The following GXYLT2 variants were observed in gnomAD, a reference collection of about 807,000 sequenced individuals.
GXYLT2 encodes the protein glycosyltransferase 8 domain containing 4.
Under a neutral mutation model 45.8 loss-of-function variants are expected in GXYLT2, and 53 were observed. The observed-to-expected ratio is 1.16, with a 90% confidence interval of 0.93 to 1.46. The LOEUF is 1.46. Ranked by LOEUF, GXYLT2 falls within the 40% of genes most tolerant of loss-of-function variation. The pLI is 0.00. For synonymous variants in GXYLT2, 219 were observed against 214.2 expected (o/e 1.02, Z -0.19); for missense variants, 551 against 544.4 (o/e 1.01, Z -0.12).
In GXYLT2 at chr3:72,908,376, A is replaced by G. The variant is rs2107079996; in HGVS notation, c.285A>G (p.Gly95=). 6.3e-7 allele frequency: 1 copy of G among 1,596,050 alleles called. No homozygotes were observed. The highest frequency in any genetic ancestry group is 2.2e-5 in the East Asian group (1 of 44,764). The change falls in exon 2 of 7, where the codon GGA becomes GGG. Residue 95 remains glycine (G), a synonymous_variant. Coordinates refer to ENST00000389617, the MANE Select transcript of GXYLT2 (RefSeq NM_001080393.2). ...TTTTCCCTCTTTCTAGGAGGCCTGGAGAACCCAGGAGTTTCCAAGCTGTGC... is the reference window on the plus strand; with the variant it reads ...TTTTCCCTCTTTCTAGGAGGCCTGGGGAACCCAGGAGTTTCCAAGCTGTGC... ...ARLEKLARRP[G]EPRSFQAVLP...
intron 5 of GXYLT2, among the ~76,000 whole-genome samples, chr3:72,964,639 G>C (rs149951656): frequency 1.1e-4 from 16 of 152,272 alleles, no homozygotes; most frequent in African/African-American, 3.6e-4. Flanking sequence ...GTTTCTTTTT[G>C]TAAGCCCTAA....
chr3:72,945,792 G>A (rs1274791142), intron 3 of GXYLT2, among the ~76,000 whole-genome samples: 2 of 152,142 alleles, frequency 1.3e-5, no homozygotes, highest in African/African-American at 4.8e-5. Context: ...GGCAGAATGC[G>A]CAGTGACTGC....
intron 2 of GXYLT2, among the ~76,000 whole-genome samples, chr3:72,920,739 C>G (rs956633056): frequency 1.4e-3 from 206 of 151,568 alleles, no homozygotes; most frequent in African/African-American, 4.8e-3. Context: ...ATAGAGTGCC[C>G]ACTTTTAATA....
chr3:72,950,242 C>G (rs1213504956), intron 3 of GXYLT2, among the ~76,000 whole-genome samples: 1 of 152,062 alleles, frequency 6.6e-6, no homozygotes, highest in Admixed American at 6.6e-5. Flanking sequence ...GGGCGAATCA[C>G]TTGAGGTCAG....
At chr3:72,957,502 C>G (rs1053812937) in intron 5 of GXYLT2, 150 bp downstream of exon 5, 7 of 747,116 alleles carry the variant, frequency 9.4e-6, no homozygotes, top group Admixed American at 5.7e-5. Flanking sequence ...TTCATCCGCC[C>G]CCCTGGGTAT....
At chr3:72,923,276 A>G (rs1041829190) in intron 3 of GXYLT2, among the ~76,000 whole-genome samples, 4 of 151,564 alleles carry the variant, frequency 2.6e-5, no homozygotes, top group Admixed American at 2.6e-4. Flanking sequence ...TTACCTGGGC[A>G]TGGTGGCGCA....
At chr3:72,898,721 CTCTTTT>C (rs1709342325) in intron 1 of GXYLT2, among the ~76,000 whole-genome samples, 1 of 152,022 alleles carries the variant, frequency 6.6e-6, no homozygotes, top group African/African-American at 2.4e-5. Flanking sequence ...TCAGAGAGGG[CTCTTTT>C]TCTTTTCTTT....
At position 72,976,662 on chromosome 3, in the gene GXYLT2, T is replaced by A. The variant is rs1252519638; in HGVS notation, c.*1503T>A. On this transcript the variant is annotated 3_prime_UTR_variant, in exon 7 of 7. Transcript: ENST00000389617. ...TCCCTAGTTGCTCATATAGTTGGTATCAGCATAGCAATATTTTGCATAATG... is the reference window on the plus strand; with the variant it reads ...TCCCTAGTTGCTCATATAGTTGGTAACAGCATAGCAATATTTTGCATAATG... 2 of 152,252 alleles carry A rather than the reference T, an allele frequency of 1.3e-5. No individual in the cohort carries two copies. The highest frequency in any genetic ancestry group is 4.8e-5 in the African/African-American group (2 of 41,470). The allele number at this position is 152,252 out of a possible 1,614,324, so 9.4% of individuals were successfully genotyped here. A position where few individuals can be genotyped will look rare whatever the true frequency, so the allele number is the denominator to read the frequency against.
At chr3:72,971,947 T>TA (rs77835059) in intron 6 of GXYLT2, among the ~76,000 whole-genome samples, 185 of 130,622 alleles carry the variant, frequency 1.4e-3, no homozygotes, top group Middle Eastern at 0.012. Context: ...ACACTCCATC[T>TA]AAAAAAAAAA....
chr3:72,946,085 C>T (rs1360724503), intron 3 of GXYLT2, among the ~76,000 whole-genome samples: 41 of 151,604 alleles, frequency 2.7e-4, no homozygotes, highest in Admixed American at 2.6e-3. Flanking sequence ...GAGATCAATC[C>T]GGGCAACATA....
intron 1 of GXYLT2, among the ~76,000 whole-genome samples, chr3:72,897,704 G>A (rs1469495292): frequency 6.6e-6 from 1 of 152,222 alleles, no homozygotes; most frequent in African/African-American, 2.4e-5. Flanking sequence ...TTTTACAGAT[G>A]AGGAAACTGA....
intron 2 of GXYLT2, among the ~76,000 whole-genome samples, chr3:72,917,261 T>A (rs918383824): frequency 1.3e-5 from 2 of 152,104 alleles, no homozygotes; most frequent in Non-Finnish European, 2.9e-5. Context: ...CCCATACTTT[T>A]TCGAGGGCTG....
At chr3:72,947,733 G>A (rs568538274) in intron 3 of GXYLT2, among the ~76,000 whole-genome samples, 17 of 152,168 alleles carry the variant, frequency 1.1e-4, no homozygotes, top group African/African-American at 3.1e-4. Context: ...CCCAGGAGGC[G>A]GAGGTTGCAG....
At chr3:72,923,734 G>A (rs1709871673) in intron 3 of GXYLT2, among the ~76,000 whole-genome samples, 1 of 152,166 alleles carries the variant, frequency 6.6e-6, no homozygotes, top group Admixed American at 6.6e-5. Flanking sequence ...TAATCTCATG[G>A]ATGTATGTAA....
chr3:72,919,111 TC>T (rs1281285560), intron 2 of GXYLT2, among the ~76,000 whole-genome samples: 1 of 152,226 alleles, frequency 6.6e-6, no homozygotes, highest in African/African-American at 2.4e-5. Flanking sequence ...TACTATACAA[TC>T]CAGGAATTGA....
intron 5 of GXYLT2, among the ~76,000 whole-genome samples, chr3:72,966,458 C>CTTTTTTTTTTTTT (rs10662974): frequency 9.8e-6 from 1 of 101,640 alleles, no homozygotes; most frequent in African/African-American, 4.0e-5. Context: ...TTGTGTGTAT[C>CTTTTTTTTTTTTT]TTTTTTTTTT....
At position 72,951,635 on chromosome 3, in the gene GXYLT2, C is replaced by G. The variant is rs566213317; in HGVS notation, c.601-3463C>G. On this transcript the variant is annotated intron_variant, in intron 3 of 6. Transcript: ENST00000389617. ...ACGATTCTTAAGTGCTGTTTTCTCACATTTCTCTGAGATGTACCCTTAGGG... is the reference window on the plus strand; with the variant it reads ...ACGATTCTTAAGTGCTGTTTTCTCAGATTTCTCTGAGATGTACCCTTAGGG... Among the ~76,000 whole-genome samples, 8 of 152,272 alleles carry G rather than the reference C, an allele frequency of 5.3e-5. No homozygotes were observed. In the South Asian group the frequency reaches 1.2e-3, roughly 24 times the overall value.
At chr3:72,920,642 A>G (rs1262356923) in intron 2 of GXYLT2, among the ~76,000 whole-genome samples, 1 of 152,116 alleles carries the variant, frequency 6.6e-6, no homozygotes, top group Admixed American at 6.6e-5. Flanking sequence ...AAATTAATAT[A>G]TGCAAAGAAA....
At chr3:72,930,990 A>C (rs1421086153) in intron 3 of GXYLT2, among the ~76,000 whole-genome samples, 1 of 152,118 alleles carries the variant, frequency 6.6e-6, no homozygotes, top group Non-Finnish European at 1.5e-5. Flanking sequence ...CGACTTCTTT[A>C]GGACACTCCA....
Sources: allele counts gnomAD v4.1 joint callset (sites outside exome capture counted in the v4.1 genomes callset), GRCh38; gene constraint gnomAD v4.1.1; transcripts MANE v1.5; gene names NCBI Gene and HGNC (gene_info 2026-07-23, HGNC 2026-07-21).